DDX42: variants seen among roughly 807,000 people sequenced by gnomAD.
The protein encoded by DDX42 is DEAD-box helicase 42.
In DDX42, 22 loss-of-function variants were observed where a neutral mutation model predicts 101.5. That is an observed-to-expected ratio of 0.22 (90% CI 0.15 to 0.31). The LOEUF (loss-of-function observed/expected upper bound fraction) is 0.31, where lower values mean the gene tolerates loss of function less well. Ranked by LOEUF, DDX42 falls within the 10% of genes least tolerant of loss-of-function variation. DDX42 has a pLI of 1.00. For missense variants in DDX42, 849 were observed against 1,199.9 expected, an observed-to-expected ratio of 0.71 and a Z score of 4.32; for synonymous variants, 402 against 401.2, an observed-to-expected ratio of 1.00 and a Z score of -0.02.
chr17:63,801,566 A>G (rs987681280), intron 6 of DDX42, among the ~76,000 whole-genome samples: 12 of 147,376 alleles, frequency 8.1e-5, no homozygotes, highest in Admixed American at 2.7e-4. Context: ...GTCTTGCTCT[A>G]TTGCCCAGGC....
intron 3 of DDX42, among the ~76,000 whole-genome samples, chr17:63,795,113 A>G (rs1241353422): frequency 6.6e-6 from 1 of 152,162 alleles, no homozygotes; most frequent in African/African-American, 2.4e-5. Flanking sequence ...TTAAAATGTG[A>G]GCCAACATTT....
intron 2 of DDX42, among the ~76,000 whole-genome samples, chr17:63,788,808 G>T (rs1214272606): frequency 6.6e-6 from 1 of 152,066 alleles, no homozygotes; most frequent in Non-Finnish European, 1.5e-5. Flanking sequence ...ATCTCTCTTT[G>T]CTGAATCTGA....
At position 63,815,622 on chromosome 17, in the gene DDX42, T is replaced by G. The variant is rs1172931213; in HGVS notation, c.1962T>G (p.Gly654=). 2 of 1,613,862 alleles carry G rather than the reference T, an allele frequency of 1.2e-6. No individual in the cohort carries two copies. Among genetic ancestry groups the G allele is most frequent in the African/African-American group, 2.7e-5 (2 of 74,906 alleles). ...KGGKGKKLNI[G]GGGLGYRERP... is the part of the protein sequence containing the mutation. ...GGAAAGGAAAAAAGCTGAACATTGG[T>G]GGAGGAGGCCTAGGCTACAGGGAGC... The change falls in exon 16 of 18, where the codon GGT becomes GGG. Residue 654 remains glycine, a synonymous_variant. Transcript: ENST00000389924.
chr17:63,799,715 C>A, intron 5 of DDX42, 90 bp downstream of exon 5: 1 of 1,305,050 alleles, frequency 7.7e-7, no homozygotes, highest in Non-Finnish European at 1.1e-6. Context: ...CTCAAAATGG[C>A]CATTCCTGAC....
intron 6 of DDX42, among the ~76,000 whole-genome samples, chr17:63,804,073 C>T (rs969540263): frequency 6.6e-6 from 1 of 152,034 alleles, no homozygotes; most frequent in African/African-American, 2.4e-5. Flanking sequence ...TGTCACTCTT[C>T]TTCCAATTTT....
chr17:63,788,931 G>A (rs191973517), intron 2 of DDX42, among the ~76,000 whole-genome samples: 57 of 151,790 alleles, frequency 3.8e-4, no homozygotes, highest in South Asian at 2.9e-3. Flanking sequence ...GTCTCACTCT[G>A]TCACCCAGGC....
chr17:63,817,849 C>T lies in DDX42; in HGVS notation c.2268C>T (p.Val756=). Residue 756 remains valine (V), a synonymous_variant, in exon 18 of 18, where the codon GTC becomes GTT. Coordinates refer to ENST00000389924, the MANE Select transcript of DDX42 (RefSeq NM_203499.3). ...GCCATAACAGTCCTGACAGCCCCGT[C>T]ACCAGTGCCGCCAAGGGCATCCCAG... ...QQGHNSPDSP[V]TSAAKGIPGF... 1.2e-6 allele frequency: 2 copies of T among 1,614,198 alleles called. No homozygotes were observed. The highest frequency in any genetic ancestry group is 2.2e-5 in the South Asian group (2 of 91,084).
At position 63,818,028 on chromosome 17, in the gene DDX42, G is replaced by A. The variant is rs1598346256; in HGVS notation, c.2447G>A (p.Ser816Asn). Residue 816 changes from serine (S) to asparagine (N), a missense_variant, in exon 18 of 18, where the codon AGC becomes AAC. Ser to Asn is a conservative substitution (Grantham distance 46). Around this residue, in one of 5 missense-constraint regions of DDX42, gnomAD observed 300 missense variants for 304.9 expected, o/e 0.98. Transcript: ENST00000389924. ...KRERYTENRGSSRHSHGETGN... is the reference protein window; with the variant it reads ...KRERYTENRGNSRHSHGETGN... Reference sequence around the variant, plus strand: ...GAGAGATATACTGAGAACCGGGGCAGCAGCCGTCACAGTCACGGAGAGACT... The same window carrying A: ...GAGAGATATACTGAGAACCGGGGCAACAGCCGTCACAGTCACGGAGAGACT... The A allele has an allele frequency of 1.2e-6, 2 of 1,614,074 alleles. No homozygotes were observed. Among genetic ancestry groups the A allele is most frequent in the South Asian group, 2.2e-5 (2 of 91,078 alleles).
intron 1 of DDX42, 81 bp from the exon 2 acceptor site, chr17:63,786,953 G>A (rs2039554470): frequency 1.5e-5 from 22 of 1,437,062 alleles, no homozygotes; most frequent in Non-Finnish European, 2.0e-5. Flanking sequence ...TGGGATTACA[G>A]GCGTGACCCA....
At chr17:63,812,340 C>A in intron 14 of DDX42, 132 bp downstream of exon 14, 1 of 1,139,078 alleles carries the variant, frequency 8.8e-7, no homozygotes, top group Non-Finnish European at 1.2e-6. Context: ...CCCTCCCAAA[C>A]CCCCAAGGAA....
At chr17:63,795,739 T>C (rs898668335) in intron 3 of DDX42, among the ~76,000 whole-genome samples, 1 of 152,234 alleles carries the variant, frequency 6.6e-6, no homozygotes, top group Non-Finnish European at 1.5e-5. Flanking sequence ...TTAGAGTACA[T>C]TTCTGTAGAA....
intron 6 of DDX42, among the ~76,000 whole-genome samples, chr17:63,803,282 T>C (rs1479422419): frequency 6.6e-6 from 1 of 152,184 alleles, no homozygotes; most frequent in East Asian, 1.9e-4. Context: ...CAAGTTTTAG[T>C]GTAAAATAAA....
Position 63,807,794 on chromosome 17 carries a change from C to G in DDX42, c.917C>G (p.Ala306Gly). The change falls in exon 9 of 18, where the codon GCC (alanine) becomes GGC (glycine). Residue 306 changes from alanine to glycine, a missense_variant. Transcript: ENST00000389924. ...IAKTGSGKTA[A>G]FIWPMLIHIM... ...AAAACAGGTAGTGGGAAAACTGCAG[C>G]CTTCATTTGGCCCATGTTGATTCAT... is the stretch of plus-strand genomic sequence containing the variant. The G allele has an allele frequency of 6.2e-7, 1 of 1,614,108 alleles. No homozygotes were observed. The highest frequency in any genetic ancestry group is 8.5e-7 in the Non-Finnish European group (1 of 1,180,000).
intron 3 of DDX42, among the ~76,000 whole-genome samples, chr17:63,793,227 C>G (rs1429939995): frequency 6.6e-6 from 1 of 151,860 alleles, no homozygotes; most frequent in Non-Finnish European, 1.5e-5. Flanking sequence ...TCTCTCCCAC[C>G]TCTGATTCTT....
At chr17:63,808,547 T>C (rs985853369) in intron 9 of DDX42, among the ~76,000 whole-genome samples, 1 of 152,164 alleles carries the variant, frequency 6.6e-6, no homozygotes, top group Admixed American at 6.6e-5. Context: ...ACAGTTTTTC[T>C]GTAGGATGAG....
intron 1 of DDX42, among the ~76,000 whole-genome samples, chr17:63,779,594 C>G (rs1195853023): frequency 6.6e-6 from 1 of 151,994 alleles, no homozygotes; most frequent in Non-Finnish European, 1.5e-5. Context: ...GTACTATCAC[C>G]ACAATCTAGC....
chr17:63,804,597 C>T (rs1178085859), intron 6 of DDX42, among the ~76,000 whole-genome samples: 1 of 152,126 alleles, frequency 6.6e-6, no homozygotes, highest in Non-Finnish European at 1.5e-5. Flanking sequence ...CTTCTCTGTC[C>T]TCTGAGGTCT....
At chr17:63,804,894 AAAAC>A in intron 6 of DDX42, 173 bp from the exon 7 acceptor site, 1 of 727,512 alleles carries the variant, frequency 1.4e-6, no homozygotes, top group Non-Finnish European at 2.1e-6. Flanking sequence ...ATAGGAACAG[AAAAC>A]AAACTAGCTA....
intron 1 of DDX42, among the ~76,000 whole-genome samples, chr17:63,780,307 A>C (rs916723279): frequency 1.9e-4 from 27 of 145,882 alleles, no homozygotes; most frequent in Admixed American, 3.4e-4. Context: ...AAAAACAAAA[A>C]AAAAAAAAAG....
Sources: allele counts gnomAD v4.1 joint callset (sites outside exome capture counted in the v4.1 genomes callset), GRCh38; gene constraint gnomAD v4.1.1; regional missense constraint gnomAD v4.1.1; transcripts MANE v1.5; gene names NCBI Gene and HGNC (gene_info 2026-07-23, HGNC 2026-07-21).